Variants in FAM83B observed in about 807,000 individuals in gnomAD.
FAM83B encodes scaffolding CK1 anchoring protein B, also known as protein FAM83B.
In FAM83B, 26 loss-of-function variants were observed where a neutral mutation model predicts 38.8. The observed-to-expected ratio is 0.67, with a 90% CI of 0.49 to 0.93. The LOEUF (loss-of-function observed/expected upper bound fraction) is 0.93. Among genes scored for constraint, FAM83B ranks in the 40% least tolerant of loss-of-function variants. The probability of loss-of-function intolerance (pLI) is 0.00; values close to 1 mark genes in which losing one functional copy is unlikely to be tolerated. For missense variants in FAM83B, 1,237 were observed against 1,197.3 expected, an observed-to-expected ratio of 1.03 and a Z score of -0.49; for synonymous variants, 419 against 423.1, an observed-to-expected ratio of 0.99 and a Z score of 0.12.
intron 2 of FAM83B, among the ~76,000 whole-genome samples, chr6:54,876,776 G>A (rs987317911): frequency 6.6e-6 from 1 of 151,972 alleles, no homozygotes; most frequent in Non-Finnish European, 1.5e-5. Flanking sequence ...TACTGCACAT[G>A]GTGTGTATAG....
At chr6:54,906,573 C>T (rs755767196) in intron 2 of FAM83B, among the ~76,000 whole-genome samples, 40 of 151,878 alleles carry the variant, frequency 2.6e-4, no homozygotes, top group Non-Finnish European at 5.0e-4. Flanking sequence ...TTAGTAGAGA[C>T]GGGGTTTCAC....
At chr6:54,924,481 T>C (rs1773243276) in intron 2 of FAM83B, among the ~76,000 whole-genome samples, 1 of 151,208 alleles carries the variant, frequency 6.6e-6, no homozygotes, top group Non-Finnish European at 1.5e-5. Context: ...CCACTGAGGC[T>C]TTTGCTGTTC....
In FAM83B at chr6:54,862,224, G is replaced by A. The variant is rs1185660893; in HGVS notation, c.-60-7963G>A. ...TCTTCTAGTGGCTAATGGGAACCTG[G>A]CCTGCCACAGAAGGCCACGGGTTTT... On this transcript the variant is annotated intron_variant, in intron 1 of 4. Transcript: ENST00000306858. Among the ~76,000 whole-genome samples the A allele has an allele frequency of 1.3e-5, 2 of 152,154 alleles. 1 individual carries two copies. The highest frequency in any genetic ancestry group is 4.8e-5 in the African/African-American group (2 of 41,432).
chr6:54,859,426 A>G lies in FAM83B; in HGVS notation c.-60-10761A>G, dbSNP rs1281123660. Among the ~76,000 whole-genome samples the G allele has an allele frequency of 3.9e-5, 6 of 152,078 alleles. No homozygotes were observed. In the East Asian group the frequency reaches 1.2e-3, roughly 29 times the overall value. ...CTAGTTTAGACTTTAGTCAACTCTC[A>G]CTCTGTTACCTTCAGTTATTAAGGC... On this transcript the variant is annotated intron_variant, in intron 1 of 4. Coordinates refer to ENST00000306858, the MANE Select transcript of FAM83B (RefSeq NM_001010872.3).
At chr6:54,885,962 TATA>T (rs71781584) in intron 2 of FAM83B, among the ~76,000 whole-genome samples, 96,117 of 149,948 alleles carry the variant, frequency 0.64, 32,467 homozygotes, top group East Asian at 0.89. Context: ...AAACTTAAAG[TATA>T]ATAATAATAA....
In FAM83B at chr6:54,943,594, A is replaced by G. The variant is rs1175622652; in HGVS notation, c.*1587A>G. On this transcript the variant is annotated 3_prime_UTR_variant, in exon 5 of 5. Coordinates refer to ENST00000306858, the MANE Select transcript of FAM83B (RefSeq NM_001010872.3). ...GGTATAAAATATCTATATCATTAAA[A>G]TAATTTTCCATAGTGTTTAGAAACC... is the stretch of plus-strand genomic sequence containing the variant. 1.3e-5 allele frequency: 2 copies of G among 152,208 alleles called. No homozygotes were observed. The highest frequency in any genetic ancestry group is 2.4e-5 in the African/African-American group (1 of 41,464). 9.4% of individuals were successfully genotyped at this position (152,208 alleles called of 1,614,324 possible).
chr6:54,890,246 C>A (rs1023947636), intron 2 of FAM83B, among the ~76,000 whole-genome samples: 1 of 151,832 alleles, frequency 6.6e-6, no homozygotes, highest in African/African-American at 2.4e-5. Flanking sequence ...GTACACCAAC[C>A]TTTTGCTAAG....
Position 54,939,823 on chromosome 6 carries a change from T to C in FAM83B, c.852T>C (p.Ser284=), listed in dbSNP as rs1429444917. The C allele has an allele frequency of 6.2e-7, 1 of 1,614,000 alleles. No homozygotes were observed. The highest frequency in any genetic ancestry group is 8.5e-7 in the Non-Finnish European group (1 of 1,179,964). The change falls in exon 5 of 5, where the codon AGT becomes AGC. Residue 284 remains serine (S), a synonymous_variant. Coordinates refer to ENST00000306858, the MANE Select transcript of FAM83B (RefSeq NM_001010872.3). Reference sequence around the variant, plus strand: ...TCTATGCCAGATCCTGTGTCCCTAGTTCATTTGCTCAGGAAGAATCAGCAA... The same window carrying C: ...TCTATGCCAGATCCTGTGTCCCTAGCTCATTTGCTCAGGAAGAATCAGCAA... ...RTLYARSCVP[S]SFAQEESARV...
intron 2 of FAM83B, among the ~76,000 whole-genome samples, chr6:54,924,227 C>T (rs1342273435): frequency 6.7e-6 from 1 of 148,312 alleles, no homozygotes; most frequent in Non-Finnish European, 1.5e-5. Flanking sequence ...GCACACACCA[C>T]ATTTTCTTTG....
At chr6:54,887,874 G>T (rs973960500) in intron 2 of FAM83B, among the ~76,000 whole-genome samples, 1 of 151,560 alleles carries the variant, frequency 6.6e-6, no homozygotes, top group Non-Finnish European at 1.5e-5. Context: ...TATGATTATG[G>T]TATGTTCCCT....
rs1773772354 is a variant in FAM83B at position 54,945,050 on chromosome 6, T to C, written c.*3043T>C. On this transcript the variant is annotated 3_prime_UTR_variant, in exon 5 of 5. Coordinates refer to ENST00000306858, the MANE Select transcript of FAM83B (RefSeq NM_001010872.3). The stretch of plus-strand genomic sequence containing the variant: ...AAGAAATATTCTTCCAAATGAACTT[T>C]TGTTTTTAGATCAATAAATGAATAA... The C allele has an allele frequency of 6.6e-6, 1 of 152,184 alleles. No individual in the cohort carries two copies. Among genetic ancestry groups the C allele is most frequent in the African/African-American group, 2.4e-5 (1 of 41,466 alleles). 9.4% of individuals were successfully genotyped at this position (152,184 alleles called of 1,614,324 possible).
intron 2 of FAM83B, among the ~76,000 whole-genome samples, chr6:54,921,282 A>C (rs1400309887): frequency 6.6e-6 from 1 of 151,900 alleles, no homozygotes; most frequent in Non-Finnish European, 1.5e-5. Context: ...TACTTTCCTG[A>C]ATGGCCTTAC....
At chr6:54,883,022 C>T (rs1772170441) in intron 2 of FAM83B, among the ~76,000 whole-genome samples, 1 of 152,176 alleles carries the variant, frequency 6.6e-6, no homozygotes, top group African/African-American at 2.4e-5. Context: ...CAGCTCACTG[C>T]AAGCTCCGCC....
intron 4 of FAM83B, among the ~76,000 whole-genome samples, chr6:54,939,129 A>G (rs962162391): frequency 1.3e-5 from 2 of 151,996 alleles, no homozygotes; most frequent in East Asian, 1.9e-4. Flanking sequence ...TCCTTTCCCC[A>G]CTTTATATTT....
intron 2 of FAM83B, among the ~76,000 whole-genome samples, chr6:54,873,615 A>G (rs1771917517): frequency 6.6e-6 from 1 of 151,090 alleles, no homozygotes; most frequent in Admixed American, 6.6e-5. Context: ...AACTCAGTGA[A>G]TTGTCATGGC....
At chr6:54,895,767 G>A (rs932369162) in intron 2 of FAM83B, among the ~76,000 whole-genome samples, 3 of 151,942 alleles carry the variant, frequency 2.0e-5, no homozygotes, top group Admixed American at 6.6e-5. Context: ...TTGAGATGGC[G>A]TCTCGCTCTG....
intron 1 of FAM83B, among the ~76,000 whole-genome samples, chr6:54,849,551 G>A (rs948899995): frequency 6.6e-6 from 1 of 151,858 alleles, no homozygotes; most frequent in Non-Finnish European, 1.5e-5. Flanking sequence ...ATGTTTTCAG[G>A]GGCTGTGATG....
At chr6:54,870,128 T>C in intron 1 of FAM83B, 59 bp from the exon 2 acceptor site, 1 of 745,594 alleles carries the variant, frequency 1.3e-6, no homozygotes, top group Non-Finnish European at 2.2e-6. Flanking sequence ...ATATGTATCA[T>C]AAAACATTCT....
intron 1 of FAM83B, among the ~76,000 whole-genome samples, chr6:54,851,929 G>A (rs1771307309): frequency 6.6e-6 from 1 of 151,984 alleles, no homozygotes; most frequent in African/African-American, 2.4e-5. Flanking sequence ...TTACAGGCGT[G>A]AGCCACCGCG....
Sources: allele counts gnomAD v4.1 joint callset (sites outside exome capture counted in the v4.1 genomes callset), GRCh38; gene constraint gnomAD v4.1.1; transcripts MANE v1.5; gene names NCBI Gene and HGNC (gene_info 2026-07-23, HGNC 2026-07-21).